The following ARHGEF18 variants were observed in gnomAD, a reference collection of about 807,000 sequenced individuals.
ARHGEF18 encodes rho guanine nucleotide exchange factor 18.
In ARHGEF18, 93 loss-of-function variants were observed where a neutral mutation model predicts 155.7. The observed-to-expected ratio is 0.60, with a 90% confidence interval of 0.50 to 0.71. The LOEUF is 0.71. Ranked by LOEUF, ARHGEF18 falls within the 30% of genes least tolerant of loss-of-function variation. The probability of loss-of-function intolerance (pLI) is 0.00; values close to 1 mark genes in which losing one functional copy is unlikely to be tolerated. For missense variants in ARHGEF18, 1,593 were observed against 1,816.1 expected (o/e 0.88, Z 2.23); for synonymous variants, 742 against 753.1 (o/e 0.99, Z 0.24).
chr19:7,394,688 C>T (rs1033273461), intron 10 of ARHGEF18, among the ~76,000 whole-genome samples: 3 of 151,530 alleles, frequency 2.0e-5, no homozygotes, highest in Non-Finnish European at 2.9e-5. Flanking sequence ...GTGCTGTACC[C>T]CCCTTGAGAT....
In ARHGEF18 at chr19:7,385,981, CCT is replaced by C. The variant is rs375525387; in HGVS notation, c.967+2792_967+2793del. On this transcript the variant is annotated intron_variant, in intron 10 of 28. Coordinates refer to ENST00000668164, the MANE Select transcript of ARHGEF18 (RefSeq NM_001367823.1). ...CTCCCTCCCCCTCTCTCCCTCTCTC[CCT>C]CTCTCTCTCTCTCCCTCTCTCTTTC... 2.8e-4 allele frequency among the ~76,000 whole-genome samples: 21 copies of C among 74,360 alleles called. No individual in the cohort carries two copies. In the East Asian group the frequency reaches 4.4e-3, roughly 16 times the overall value. The allele number at this position is 74,360 out of a possible 152,430, so 48.8% of individuals were successfully genotyped here.
In ARHGEF18 at chr19:7,375,873, G is replaced by A; in HGVS notation, c.426+3G>A. Reference sequence around the variant, plus strand: ...CCCCCGCAGAGAGCCCAGGCAAGGTGGGTATAACCTGCAGCCACCCCTGAC... The same window carrying A: ...CCCCCGCAGAGAGCCCAGGCAAGGTAGGTATAACCTGCAGCCACCCCTGAC... On this transcript the variant is annotated splice_donor_region_variant and intron_variant, in intron 4 of 28. Coordinates refer to ENST00000668164, the MANE Select transcript of ARHGEF18 (RefSeq NM_001367823.1). 1 of 1,234,400 alleles carries A rather than the reference G, an allele frequency of 8.1e-7. No individual in the cohort carries two copies. 76.5% of individuals were successfully genotyped at this position (1,234,400 alleles called of 1,614,324 possible).
intron 1 of ARHGEF18, 65 bp from the exon 2 acceptor site, chr19:7,362,716 C>G: frequency 8.2e-7 from 1 of 1,225,422 alleles, no homozygotes; most frequent in Non-Finnish European, 1.0e-6. Context: ...GATGCAGAAT[C>G]CAGGTCCTGG....
rs193244132 is a variant in ARHGEF18 at position 7,451,961 on chromosome 19, A to T, written c.1855+695A>T. Among the ~76,000 whole-genome samples the T allele has an allele frequency of 5.9e-3, 886 of 150,832 alleles. 4 individuals are homozygous for T. The highest frequency in any genetic ancestry group is 0.011 in the Middle Eastern group (3 of 284). On this transcript the variant is annotated intron_variant, in intron 16 of 28. Coordinates refer to ENST00000668164, the MANE Select transcript of ARHGEF18 (RefSeq NM_001367823.1). Reference sequence around the variant, plus strand: ...GGTCTTAAACTCCTGGCCTCAAATGATCCACCCATGTTGGCCTCCCAAAGT... The same window carrying T: ...GGTCTTAAACTCCTGGCCTCAAATGTTCCACCCATGTTGGCCTCCCAAAGT...
chr19:7,424,643 G>A (rs1973548524), intron 10 of ARHGEF18, among the ~76,000 whole-genome samples: 1 of 152,172 alleles, frequency 6.6e-6, no homozygotes, highest in African/African-American at 2.4e-5. Flanking sequence ...TGGTAAGAGT[G>A]CTGGTCGATT....
chr19:7,478,223 A>G, the ARHGEF18 span: 7 of 1,386,900 alleles, frequency 5.0e-6, 1 homozygote, highest in Admixed American at 1.4e-4. Context: ...AACAGTCCCC[A>G]GCATGGGCCT....
At chr19:7,464,064 GT>G in intron 22 of ARHGEF18, 109 bp downstream of exon 22, 1 of 1,392,030 alleles carries the variant, frequency 7.2e-7, no homozygotes, top group Non-Finnish European at 9.5e-7. Flanking sequence ...TTGAGACAGA[GT>G]CTTGCTCTGT....
chr19:7,386,439 G>A (rs1196950316), intron 10 of ARHGEF18, among the ~76,000 whole-genome samples: 4 of 150,258 alleles, frequency 2.7e-5, no homozygotes, highest in South Asian at 4.2e-4. Flanking sequence ...AAGTTGCCAC[G>A]TGTCCTCTAG....
chr19:7,469,076 G>A lies in ARHGEF18; in HGVS notation c.3732G>A (p.Lys1244=), dbSNP rs759893406. The A allele has an allele frequency of 3.1e-6, 5 of 1,609,156 alleles. No homozygotes were observed. Among genetic ancestry groups the A allele is most frequent in the Admixed American group, 1.7e-5 (1 of 59,604 alleles). The change falls in exon 27 of 29, where the codon AAG becomes AAA. Residue 1244 remains lysine (K), a synonymous_variant. Coordinates refer to ENST00000668164, the MANE Select transcript of ARHGEF18 (RefSeq NM_001367823.1). ...QIPTKLAAST[K]GGKDKGGKSR... ...CCACCAAGCTGGCGGCCTCCACCAAGGGTGGCAAGGACAAGGGCGGCAAGA... is the reference window on the plus strand; with the variant it reads ...CCACCAAGCTGGCGGCCTCCACCAAAGGTGGCAAGGACAAGGGCGGCAAGA...
At chr19:7,451,964 C>T (rs943694979) in intron 16 of ARHGEF18, among the ~76,000 whole-genome samples, 4 of 151,578 alleles carry the variant, frequency 2.6e-5, no homozygotes, top group Non-Finnish European at 5.9e-5. Flanking sequence ...TCAAATGATC[C>T]ACCCATGTTG....
rs552261694 is a variant in ARHGEF18 at position 7,362,182 on chromosome 19, A to G, written c.-110-599A>G. On this transcript the variant is annotated intron_variant, in intron 1 of 28. Coordinates refer to ENST00000668164, the MANE Select transcript of ARHGEF18 (RefSeq NM_001367823.1). ...GGAGAAGAAGGAGAAGAAGGAGAAGAAGGAGAAGAAGGAGAAGAAGAAGGA... is the reference window on the plus strand; with the variant it reads ...GGAGAAGAAGGAGAAGAAGGAGAAGGAGGAGAAGAAGGAGAAGAAGAAGGA... 8.6e-5 allele frequency among the ~76,000 whole-genome samples: 10 copies of G among 116,642 alleles called. 2 individuals carry two copies. Among genetic ancestry groups the G allele is most frequent in the African/African-American group, 6.0e-4 (9 of 15,034 alleles). 76.5% of individuals were successfully genotyped at this position (116,642 alleles called of 152,430 possible). A position where few individuals can be genotyped will look rare whatever the true frequency, so the allele number is the denominator to read the frequency against.
intron 10 of ARHGEF18, among the ~76,000 whole-genome samples, chr19:7,434,352 A>G (rs995116629): frequency 6.6e-6 from 1 of 152,146 alleles, no homozygotes; most frequent in African/African-American, 2.4e-5. Context: ...CCCTGAGGAT[A>G]GGCCACTGTC....
intron 2 of ARHGEF18, among the ~76,000 whole-genome samples, chr19:7,365,335 G>A (rs925874593): frequency 6.6e-6 from 1 of 152,190 alleles, no homozygotes; most frequent in African/African-American, 2.4e-5. Flanking sequence ...ACTGGGGCAA[G>A]AGAATCGCTT....
intron 1 of ARHGEF18, among the ~76,000 whole-genome samples, chr19:7,360,361 T>C (rs1969495371): frequency 6.6e-6 from 1 of 152,046 alleles, no homozygotes; most frequent in South Asian, 2.1e-4. Context: ...TCAGCCTCCC[T>C]AGTAGCTGGA....
At chr19:7,382,700 A>C in intron 8 of ARHGEF18, 92 bp from the exon 9 acceptor site, 1 of 862,134 alleles carries the variant, frequency 1.2e-6, no homozygotes, top group Non-Finnish European at 1.5e-6. Context: ...CCACAGGGAG[A>C]CAGGTTGCAG....
At chr19:7,415,100 C>T (rs913917744) in intron 10 of ARHGEF18, among the ~76,000 whole-genome samples, 11 of 152,176 alleles carry the variant, frequency 7.2e-5, no homozygotes, top group Non-Finnish European at 1.3e-4. Flanking sequence ...GCATGCCATT[C>T]AGCTATTCTG....
intron 10 of ARHGEF18, among the ~76,000 whole-genome samples, chr19:7,384,673 G>A (rs1970903989): frequency 6.6e-6 from 1 of 150,728 alleles, no homozygotes; most frequent in Non-Finnish European, 1.5e-5. Flanking sequence ...AGCAGAGGCT[G>A]GCATGAGCTT....
chr19:7,426,486 C>CAA (rs760020542), intron 10 of ARHGEF18, among the ~76,000 whole-genome samples: 3,617 of 100,698 alleles, frequency 0.036, 200 homozygotes, highest in African/African-American at 0.12. Flanking sequence ...GACTCTGTCT[C>CAA]AAAAAAAAAA....
At chr19:7,421,544 T>C (rs1450863585) in intron 10 of ARHGEF18, among the ~76,000 whole-genome samples, 1 of 152,150 alleles carries the variant, frequency 6.6e-6, no homozygotes, top group Non-Finnish European at 1.5e-5. Context: ...GCAGATTACC[T>C]GAGGTCAGGA....
Sources: gnomAD v4.1 joint callset for allele counts (sites outside exome capture counted in the v4.1 genomes callset) on GRCh38, gnomAD v4.1.1 for gene constraint, MANE v1.5 for transcripts, NCBI Gene and HGNC (gene_info 2026-07-23, HGNC 2026-07-21) for gene names.